Variants in CDC27 observed in about 807,000 individuals in gnomAD.
CDC27 encodes cell division cycle 27.
A neutral mutation model predicts 109.7 loss-of-function variants in CDC27; 27 were observed. That is an observed-to-expected ratio of 0.25 (90% CI 0.18 to 0.34). The LOEUF is 0.34. CDC27 is among the 10% of genes least tolerant of loss of function. The pLI, the probability that CDC27 is intolerant of heterozygous loss-of-function variation, is 1.00. For synonymous variants in CDC27, 266 were observed against 333.9 expected (o/e 0.80, Z 2.22); for missense variants, 579 against 960.2 (o/e 0.60, Z 5.25).
intron 2 of CDC27, among the ~76,000 whole-genome samples, chr17:47,173,968 C>T (rs2063899514): frequency 6.6e-6 from 1 of 152,228 alleles, no homozygotes; most frequent in Non-Finnish European, 1.5e-5. Context: ...GTGGCGCAAG[C>T]CTGTAATCCC....
intron 4 of CDC27, chr17:47,159,945 G>A (rs1033589267): frequency 8.2e-5 from 29 of 351,526 alleles, no homozygotes; most frequent in Middle Eastern, 9.3e-4. Flanking sequence ...CCTCGGTCCC[G>A]GCCCCATCCA....
At chr17:47,134,041 A>G (rs2062486321) in intron 14 of CDC27, among the ~76,000 whole-genome samples, 1 of 151,646 alleles carries the variant, frequency 6.6e-6, no homozygotes, top group Non-Finnish European at 1.5e-5. Flanking sequence ...GTGAGCTACC[A>G]CCCCCAGCCT....
chr17:47,137,097 AG>A, intron 14 of CDC27, 54 bp downstream of exon 14: 3 of 984,868 alleles, frequency 3.0e-6, no homozygotes. Context: ...AAGAAAAATT[AG>A]TAAGTACCAG....
chr17:47,158,350 C>T, intron 4 of CDC27, 47 bp from the exon 5 acceptor site: 2 of 953,596 alleles, frequency 2.1e-6, no homozygotes, highest in East Asian at 2.9e-5. Context: ...ACCCCAAAAC[C>T]TGTATCATAA....
chr17:47,129,585 A>G, intron 15 of CDC27, 64 bp from the exon 16 acceptor site: 1 of 1,189,946 alleles, frequency 8.4e-7, no homozygotes, highest in Non-Finnish European at 1.2e-6. Context: ...GTGAGAACCA[A>G]CGTGACTCAA....
At chr17:47,179,151 G>A (rs573456297) in intron 2 of CDC27, among the ~76,000 whole-genome samples, 2 of 152,240 alleles carry the variant, frequency 1.3e-5, no homozygotes, top group Admixed American at 6.5e-5. Context: ...ACAAATGGGC[G>A]ACAAAGAACT....
At chr17:47,141,665 A>G (rs2062797485) in intron 12 of CDC27, among the ~76,000 whole-genome samples, 188 bp downstream of exon 12, 1 of 152,196 alleles carries the variant, frequency 6.6e-6, no homozygotes, top group African/African-American at 2.4e-5. Flanking sequence ...AGTTGCAAAG[A>G]ATTTAAATTA....
rs1191846245 is a variant in CDC27, at chr17:47,123,910, G to A, written c.2211C>T (p.Ser737=). The change falls in exon 17 of 19, where the codon TCC becomes TCT. Residue 737 remains serine (S), a synonymous_variant. Transcript: ENST00000066544. Reference sequence around the variant, plus strand: ...CCTTTCCTATTAAGAAGTAAACGAGGGATTCTTTGGGAACAATTTGTTTCA... The same window carrying A: ...CCTTTCCTATTAAGAAGTAAACGAGAGATTCTTTGGGAACAATTTGTTTCA... ...EELKQIVPKE[S]LVYFLIGKVY... 4.4e-6 allele frequency: 7 copies of A among 1,602,850 alleles called. No homozygotes were observed. In the East Asian group the frequency reaches 1.6e-4, roughly 36 times the overall value.
chr17:47,188,778 G>A, intron 1 of CDC27: 3 of 1,134,154 alleles, frequency 2.6e-6, no homozygotes, highest in Non-Finnish European at 3.3e-6. Context: ...CCGATCAAAT[G>A]TGCTTCTCGA....
intron 12 of CDC27, 108 bp downstream of exon 12, chr17:47,141,745 A>T (rs1468777234): frequency 1.7e-6 from 1 of 583,156 alleles, no homozygotes; most frequent in Non-Finnish European, 3.0e-6. Flanking sequence ...TAGACATTAC[A>T]TAATAAATAC....
At chr17:47,132,473 A>T in intron 14 of CDC27, 99 bp from the exon 15 acceptor site, 1 of 508,286 alleles carries the variant, frequency 2.0e-6, no homozygotes, top group East Asian at 3.3e-5. Flanking sequence ...TGGCATTTTA[A>T]TAATCCAGTG....
chr17:47,155,776 C>T (rs935289763), intron 7 of CDC27, among the ~76,000 whole-genome samples: 3 of 152,040 alleles, frequency 2.0e-5, no homozygotes, highest in East Asian at 1.9e-4. Flanking sequence ...CACAGCAAGA[C>T]CCCATCTCTA....
intron 2 of CDC27, among the ~76,000 whole-genome samples, chr17:47,175,039 G>GAGGAAGGAAGGAAGGAAGGAAGGAAGGA (rs71138592): frequency 7.7e-6 from 1 of 129,898 alleles, no homozygotes; most frequent in African/African-American, 2.9e-5. Context: ...AAGAGAGAGA[G>GAGGAAGGAAGGAAGGAAGGAAGGAAGGA]AGGAAGGAAG....
intron 4 of CDC27, among the ~76,000 whole-genome samples, chr17:47,165,874 A>G (rs1336955272): frequency 6.6e-6 from 1 of 152,158 alleles, no homozygotes; most frequent in East Asian, 1.9e-4. Context: ...TGGATATCCA[A>G]TTGCACTGGC....
intron 3 of CDC27, chr17:47,171,143 A>T (rs1160119387): frequency 6.6e-6 from 1 of 152,236 alleles, no homozygotes; most frequent in Non-Finnish European, 1.5e-5. Flanking sequence ...TACATAAGAA[A>T]GATTTTTAAG....
At chr17:47,145,279 T>C (rs555830203) in intron 9 of CDC27, among the ~76,000 whole-genome samples, 5 of 152,160 alleles carry the variant, frequency 3.3e-5, no homozygotes, top group African/African-American at 1.2e-4. Flanking sequence ...AAAGAAAATG[T>C]TGAGAATTTG....
At chr17:47,164,992 T>A (rs1314047420) in intron 4 of CDC27, among the ~76,000 whole-genome samples, 1 of 152,170 alleles carries the variant, frequency 6.6e-6, no homozygotes, top group African/African-American at 2.4e-5. Flanking sequence ...AATAGTTACA[T>A]CCTCACCCTA....
chr17:47,156,857 T>C (rs2063322337), intron 7 of CDC27, 56 bp downstream of exon 7: 1 of 598,138 alleles, frequency 1.7e-6, no homozygotes, highest in Non-Finnish European at 3.0e-6. Flanking sequence ...ACAATATGAG[T>C]TATCATAAGA....
intron 2 of CDC27, among the ~76,000 whole-genome samples, chr17:47,177,926 C>T (rs1338363761): frequency 9.9e-5 from 15 of 151,948 alleles, no homozygotes; most frequent in African/African-American, 3.6e-4. Flanking sequence ...GTATTTTTTT[C>T]CTCATAGTCT....
Sources: allele counts gnomAD v4.1 joint callset (sites outside exome capture counted in the v4.1 genomes callset), GRCh38; gene constraint gnomAD v4.1.1; transcripts MANE v1.5; gene names NCBI Gene and HGNC (gene_info 2026-07-23, HGNC 2026-07-21).